Variants in NGEF observed in about 807,000 individuals in gnomAD.
NGEF encodes neuronal guanine nucleotide exchange factor.
In NGEF, 31 loss-of-function variants were observed where a neutral mutation model predicts 80.9. The observed-to-expected ratio is 0.38, with a 90% CI of 0.29 to 0.52. The LOEUF (loss-of-function observed/expected upper bound fraction) is 0.52, where lower values mean the gene tolerates loss of function less well. NGEF is among the 20% of genes least tolerant of loss of function. The pLI is 0.84. For synonymous variants in NGEF, 371 were observed against 370.2 expected, an observed-to-expected ratio of 1.00 and a Z score of -0.03; for missense variants, 709 against 926.2, an observed-to-expected ratio of 0.77 and a Z score of 3.04.
intron 3 of NGEF, among the ~76,000 whole-genome samples, chr2:232,953,847 A>C (rs1303167762): frequency 6.6e-6 from 1 of 152,256 alleles, no homozygotes; most frequent in African/African-American, 2.4e-5. Context: ...CGGTGGCTAA[A>C]TGTCTCCTTG....
intron 3 of NGEF, among the ~76,000 whole-genome samples, chr2:232,968,318 C>G (rs1210179025): frequency 6.6e-6 from 1 of 151,902 alleles, no homozygotes; most frequent in African/African-American, 2.4e-5. Context: ...GAACTCCTAA[C>G]CTCAGGTGAT....
intron 12 of NGEF, among the ~76,000 whole-genome samples, chr2:232,882,866 T>G (rs945920314): frequency 2.6e-5 from 4 of 152,070 alleles, no homozygotes; most frequent in East Asian, 1.9e-4. Context: ...TTGTCCCTCG[T>G]GGGGGGCCTA....
intron 5 of NGEF, among the ~76,000 whole-genome samples, chr2:232,907,248 CCTGTG>C (rs1271061106): frequency 2.0e-5 from 3 of 150,462 alleles, no homozygotes; most frequent in African/African-American, 7.3e-5. Flanking sequence ...TCCTGGCTCC[CCTGTG>C]ACTGATTAAG....
Position 233,001,013 on chromosome 2 carries a change from G to A in NGEF, c.-75+12055C>T, listed in dbSNP as rs150881703. Among the ~76,000 whole-genome samples the A allele has an allele frequency of 3.0e-4, 45 of 152,260 alleles. No individual in the cohort carries two copies. The East Asian group carries it at 8.5e-3, about 29-fold the overall frequency. On this transcript the variant is annotated intron_variant, in intron 1 of 14. Transcript: ENST00000264051. ...GCAGCCATCTCACCTTCCTGTTCCCGAGCCCCTTCCTTGGGAGCTGCCTTG... is the reference window on the plus strand; with the variant it reads ...GCAGCCATCTCACCTTCCTGTTCCCAAGCCCCTTCCTTGGGAGCTGCCTTG...
At chr2:232,888,559 GCACA>G (rs947225237) in intron 8 of NGEF, among the ~76,000 whole-genome samples, 15 of 149,318 alleles carry the variant, frequency 1.0e-4, no homozygotes, top group East Asian at 4.1e-4. Context: ...ATGCATACCT[GCACA>G]CACACACGCA....
rs1251386617 is a variant in NGEF, at chr2:232,920,235, G to A, written c.828+49C>T. The A allele has an allele frequency of 2.6e-6, 4 of 1,558,838 alleles. 1 individual carries two copies. In the South Asian group the frequency reaches 4.8e-5, roughly 19 times the overall value. On this transcript the variant is annotated intron_variant, in intron 5 of 14. Transcript: ENST00000264051. ...GGAAGCCTCACCCCCAGCAGTGAGG[G>A]CCACCCCGGTGTGCTGTGGGGGAGC...
At chr2:233,004,666 T>C (rs964190595) in intron 1 of NGEF, among the ~76,000 whole-genome samples, 6 of 152,158 alleles carry the variant, frequency 3.9e-5, no homozygotes, top group African/African-American at 7.2e-5. Flanking sequence ...TGAAGGCGTT[T>C]AGGAAGCAGC....
At chr2:232,957,539 T>C (rs1263867491) in intron 3 of NGEF, among the ~76,000 whole-genome samples, 1 of 152,208 alleles carries the variant, frequency 6.6e-6, no homozygotes, top group Non-Finnish European at 1.5e-5. Flanking sequence ...GCCAGGGTGG[T>C]CTTGAACTCC....
intron 5 of NGEF, among the ~76,000 whole-genome samples, chr2:232,910,340 G>A (rs776517282): frequency 2.0e-5 from 3 of 151,908 alleles, no homozygotes; most frequent in Non-Finnish European, 2.9e-5. Flanking sequence ...TAGATCCCTC[G>A]CATGTGCAGT....
intron 1 of NGEF, among the ~76,000 whole-genome samples, chr2:232,983,504 T>C (rs1228482560): frequency 3.9e-5 from 6 of 151,912 alleles, no homozygotes; most frequent in Non-Finnish European, 7.4e-5. Context: ...AGGTCAGGGG[T>C]GCCTATCTGA....
chr2:232,987,352 C>CTA (rs1167523732), intron 1 of NGEF, among the ~76,000 whole-genome samples: 1 of 152,156 alleles, frequency 6.6e-6, no homozygotes, highest in African/African-American at 2.4e-5. Flanking sequence ...GGAATTGCTG[C>CTA]TAAGGCCAAA....
Position 232,938,741 on chromosome 2 carries a change from GA to G in NGEF, c.384-11556del, listed in dbSNP as rs60179308. On this transcript the variant is annotated intron_variant, in intron 3 of 14. Transcript: ENST00000264051. Reference sequence around the variant, plus strand: ...GCAACATAGTGAGACCCTGTCTTAAGAAAAAAAAAAAAAAAAAGGAAATAAA... The same window carrying G: ...GCAACATAGTGAGACCCTGTCTTAAGAAAAAAAAAAAAAAAAGGAAATAAA... Among the ~76,000 whole-genome samples, 658 of 121,134 alleles carry G rather than the reference GA, an allele frequency of 5.4e-3. 7 individuals carry two copies. Among genetic ancestry groups the G allele is most frequent in the African/African-American group, 0.017 (523 of 31,412 alleles). The allele number at this position is 121,134 out of a possible 152,430, so 79.5% of individuals were successfully genotyped here. A position where few individuals can be genotyped will look rare whatever the true frequency, so the allele number is the denominator to read the frequency against.
Position 232,985,112 on chromosome 2 carries a change from T to C in NGEF, c.-74-10148A>G, listed in dbSNP as rs141891329. Reference sequence around the variant, plus strand: ...CAGCCAGGACTAGAATCTTCCCCCATCACCTGATACCTGGCCGTGTTCTCC... The same window carrying C: ...CAGCCAGGACTAGAATCTTCCCCCACCACCTGATACCTGGCCGTGTTCTCC... On this transcript the variant is annotated intron_variant, in intron 1 of 14. Transcript: ENST00000264051. Among the ~76,000 whole-genome samples, 385 of 152,286 alleles carry C rather than the reference T, an allele frequency of 2.5e-3. 3 individuals are homozygous for C. The highest frequency in any genetic ancestry group is 8.1e-3 in the African/African-American group (335 of 41,564).
rs182119572 is a variant in NGEF, at chr2:232,879,400, G to A, written c.*89C>T. On this transcript the variant is annotated 3_prime_UTR_variant, in exon 15 of 15. Transcript: ENST00000264051. ...GCCAGATCCTGCCACCTGGGGAGGTGCTGGCCTGTGCTTCCCAGAGCCCCC... is the reference window on the plus strand; with the variant it reads ...GCCAGATCCTGCCACCTGGGGAGGTACTGGCCTGTGCTTCCCAGAGCCCCC... The A allele has an allele frequency of 1.9e-4, 253 of 1,340,586 alleles. 1 individual carries two copies. The East Asian group carries it at 4.8e-3, about 25-fold the overall frequency. The allele number at this position is 1,340,586 out of a possible 1,614,324, so 83.0% of individuals were successfully genotyped here. A position where few individuals can be genotyped will look rare whatever the true frequency, so the allele number is the denominator to read the frequency against.
chr2:232,963,170 A>T (rs1206632430), intron 3 of NGEF, among the ~76,000 whole-genome samples: 4 of 152,034 alleles, frequency 2.6e-5, no homozygotes, highest in Admixed American at 6.5e-5. Flanking sequence ...ACAGTATTTA[A>T]GACACTATGG....
intron 5 of NGEF, among the ~76,000 whole-genome samples, chr2:232,897,615 C>G (rs1384537736): frequency 2.6e-5 from 4 of 152,192 alleles, no homozygotes; most frequent in Non-Finnish European, 5.9e-5. Context: ...TGGGAACACC[C>G]CACAGAGAGT....
chr2:232,995,026 G>T (rs1234418289), intron 1 of NGEF, among the ~76,000 whole-genome samples: 1 of 89,570 alleles, frequency 1.1e-5, no homozygotes, highest in African/African-American at 4.2e-5. Context: ...TATGTATACT[G>T]TATATATGTA....
rs547306652 is a variant in NGEF at position 232,972,964 on chromosome 2, C to T, written c.268+1659G>A. Among the ~76,000 whole-genome samples the T allele has an allele frequency of 3.9e-5, 6 of 152,084 alleles. No homozygotes were observed. The South Asian group carries it at 1.3e-3, about 32-fold the overall frequency. The stretch of plus-strand genomic sequence containing the variant: ...TAGAGATGGAGTTTCACCATGTTGG[C>T]CAGGCTGGTCTCGAACCCCTGACCT... On this transcript the variant is annotated intron_variant, in intron 2 of 14. Coordinates refer to ENST00000264051, the MANE Select transcript of NGEF (RefSeq NM_019850.3).
chr2:232,894,791 G>A lies in NGEF; in HGVS notation c.954C>T (p.Phe318=), dbSNP rs373313578. 2.2e-4 allele frequency: 348 copies of A among 1,609,388 alleles called. No individual in the cohort carries two copies. Among genetic ancestry groups the A allele is most frequent in the Non-Finnish European group, 2.7e-4 (323 of 1,177,200 alleles). ...ILHPSEAHIL[F]SNVLDVLAVS... ...CAGCCAGCACGTCCAGGACGTTGGAGAAGAGGATGTGCGCCTCGGACGGGT... is the reference window on the plus strand; with the variant it reads ...CAGCCAGCACGTCCAGGACGTTGGAAAAGAGGATGTGCGCCTCGGACGGGT... Residue 318 remains phenylalanine, a synonymous_variant, in exon 6 of 15, where the codon TTC becomes TTT. Transcript: ENST00000264051.
Sources: gnomAD v4.1 joint callset for allele counts (sites outside exome capture counted in the v4.1 genomes callset) on GRCh38, gnomAD v4.1.1 for gene constraint, MANE v1.5 for transcripts, NCBI Gene and HGNC (gene_info 2026-07-23, HGNC 2026-07-21) for gene names.